Variants in ENPEP observed in about 807,000 individuals in gnomAD.
ENPEP encodes AP-A.
A neutral mutation model predicts 114.5 loss-of-function variants in ENPEP; 103 were observed. The observed-to-expected ratio is 0.90, with a 90% CI of 0.77 to 1.06. The LOEUF (loss-of-function observed/expected upper bound fraction) is 1.06. Among genes scored for constraint, ENPEP ranks in the 50% least tolerant of loss-of-function variants. The pLI is 0.00. For synonymous variants in ENPEP, 420 were observed against 422.0 expected (o/e 1.00, Z 0.06); for missense variants, 1,196 against 1,161.3 (o/e 1.03, Z -0.43).
At chr4:110,550,972 G>C (rs1395628051) in intron 17 of ENPEP, among the ~76,000 whole-genome samples, 1 of 151,682 alleles carries the variant, frequency 6.6e-6, no homozygotes, top group Non-Finnish European at 1.5e-5. Flanking sequence ...CGATCATCTT[G>C]GCTGGGCACA....
At chr4:110,484,982 G>T (rs1469470626) in intron 1 of ENPEP, among the ~76,000 whole-genome samples, 14 of 151,962 alleles carry the variant, frequency 9.2e-5, no homozygotes, top group Non-Finnish European at 1.2e-4. Flanking sequence ...TATTTCTGAG[G>T]TGTGACTCAG....
chr4:110,495,662 G>A (rs774144328), intron 3 of ENPEP, among the ~76,000 whole-genome samples: 3 of 152,046 alleles, frequency 2.0e-5, no homozygotes, highest in East Asian at 1.9e-4. Flanking sequence ...CAGAGGTTGC[G>A]GTGAGCCGAG....
rs1725533915 is a variant in ENPEP at position 110,510,483 on chromosome 4, G to C, written c.1308+125G>C. 5.1e-6 allele frequency: 4 copies of C among 787,410 alleles called. No homozygotes were observed. In the East Asian group the frequency reaches 1.1e-4, roughly 21 times the overall value. The allele number at this position is 787,410 out of a possible 1,614,324, so 48.8% of individuals were successfully genotyped here. A position where few individuals can be genotyped will look rare whatever the true frequency, so the allele number is the denominator to read the frequency against. On this transcript the variant is annotated intron_variant, in intron 6 of 19. Coordinates refer to ENST00000265162, the MANE Select transcript of ENPEP (RefSeq NM_001977.4). ...ACAGTGGTGAGCGGGGAATTCCACTGTGAGGATAGGGTGGAGCCAGCTGAC... is the reference window on the plus strand; with the variant it reads ...ACAGTGGTGAGCGGGGAATTCCACTCTGAGGATAGGGTGGAGCCAGCTGAC...
intron 13 of ENPEP, among the ~76,000 whole-genome samples, chr4:110,547,831 G>C (rs1056653743): frequency 1.3e-5 from 2 of 151,966 alleles, no homozygotes; most frequent in Non-Finnish European, 2.9e-5. Flanking sequence ...AAATCCACTT[G>C]GGAACCTAAA....
At chr4:110,548,771 G>T (rs1211127496) in intron 14 of ENPEP, among the ~76,000 whole-genome samples, 2 of 151,754 alleles carry the variant, frequency 1.3e-5, no homozygotes, top group Non-Finnish European at 2.9e-5. Context: ...CCGTTTCTTT[G>T]CTTTGTGATT....
At chr4:110,555,099 TAAAAA>T (rs375411882) in intron 18 of ENPEP, among the ~76,000 whole-genome samples, 4 of 151,934 alleles carry the variant, frequency 2.6e-5, no homozygotes, top group Non-Finnish European at 5.9e-5. Context: ...TTTTTCAAGA[TAAAAA>T]AAGAAGATAA....
chr4:110,545,790 C>G (rs1231494490), intron 13 of ENPEP, among the ~76,000 whole-genome samples: 1 of 152,050 alleles, frequency 6.6e-6, no homozygotes, highest in Non-Finnish European at 1.5e-5. Context: ...GTGGACACTT[C>G]TGACCCACTT....
chr4:110,532,692 A>T (rs1298611523), intron 11 of ENPEP, among the ~76,000 whole-genome samples: 1 of 152,006 alleles, frequency 6.6e-6, no homozygotes, highest in Non-Finnish European at 1.5e-5. Flanking sequence ...CAGCTTTGTC[A>T]TTATAGAGGT....
At chr4:110,515,562 G>C (rs1725733394) in intron 8 of ENPEP, 120 bp downstream of exon 8, 1 of 783,152 alleles carries the variant, frequency 1.3e-6, no homozygotes. Flanking sequence ...CTGAGGCATA[G>C]ATAATATAGC....
intron 17 of ENPEP, among the ~76,000 whole-genome samples, chr4:110,552,967 C>T (rs968357018): frequency 8.5e-5 from 13 of 152,130 alleles, no homozygotes; most frequent in African/African-American, 2.6e-4. Flanking sequence ...GTACTCTATT[C>T]AATAAATGCT....
intron 19 of ENPEP, 91 bp downstream of exon 19, chr4:110,559,816 T>C (rs952398330): frequency 1.6e-5 from 16 of 975,450 alleles, no homozygotes; most frequent in Non-Finnish European, 2.5e-5. Flanking sequence ...GGAATACATG[T>C]GCAGAATGTG....
At chr4:110,536,565 A>C (rs1726636415) in intron 11 of ENPEP, among the ~76,000 whole-genome samples, 1 of 152,208 alleles carries the variant, frequency 6.6e-6, no homozygotes, top group South Asian at 2.1e-4. Flanking sequence ...CCCAGGAAGA[A>C]AAGGGAACTG....
chr4:110,504,630 T>C (rs1239504390), intron 3 of ENPEP, among the ~76,000 whole-genome samples: 2 of 152,194 alleles, frequency 1.3e-5, no homozygotes, highest in African/African-American at 4.8e-5. Flanking sequence ...TTCTATGGAC[T>C]TGAGTTTCTC....
intron 13 of ENPEP, among the ~76,000 whole-genome samples, chr4:110,545,538 T>C (rs1727022951): frequency 6.6e-6 from 1 of 152,024 alleles, no homozygotes; most frequent in Admixed American, 6.6e-5. Flanking sequence ...TTGGAACTTC[T>C]ATGTCTCCCG....
In ENPEP at chr4:110,553,431, T is replaced by C; in HGVS notation, c.2618T>C (p.Leu873Pro). ...GKNMAWNWIQLNWDYLVNRYT... is the reference protein window; with the variant it reads ...GKNMAWNWIQPNWDYLVNRYT... Reference sequence around the variant, plus strand: ...AACATGGCCTGGAATTGGATACAACTCAACTGGGACTATCTAGTCAACAGG... The same window carrying C: ...AACATGGCCTGGAATTGGATACAACCCAACTGGGACTATCTAGTCAACAGG... Residue 873 changes from leucine to proline, a missense_variant, in exon 18 of 20, where the codon CTC (leucine) becomes CCC (proline). By Grantham distance (98) the Leu-to-Pro change is moderately conservative. Coordinates refer to ENST00000265162, the MANE Select transcript of ENPEP (RefSeq NM_001977.4). The C allele has an allele frequency of 6.2e-7, 1 of 1,610,488 alleles. No homozygotes were observed. Among genetic ancestry groups the C allele is most frequent in the Non-Finnish European group, 8.5e-7 (1 of 1,177,640 alleles).
At position 110,540,723 on chromosome 4, in the gene ENPEP, G is replaced by A. The variant is rs542508472; in HGVS notation, c.1808-2028G>A. ...GATGGATTGCCAGGAACTTCTCAAC[G>A]TTATTTATATTTGCTTCGCTATTTA... On this transcript the variant is annotated intron_variant, in intron 11 of 19. Transcript: ENST00000265162. 3.3e-5 allele frequency among the ~76,000 whole-genome samples: 5 copies of A among 152,234 alleles called. No homozygotes were observed. In the East Asian group the frequency reaches 7.7e-4, roughly 24 times the overall value.
intron 18 of ENPEP, 119 bp downstream of exon 18, chr4:110,553,574 G>T: frequency 1.0e-6 from 1 of 969,236 alleles, no homozygotes; most frequent in Non-Finnish European, 1.4e-6. Context: ...GGCATTATTA[G>T]AGGTAAAGGA....
rs1727779718 is a variant in ENPEP at position 110,564,918 on chromosome 4, A to G, written c.*3360A>G. The G allele has an allele frequency of 6.6e-6, 1 of 152,222 alleles. No homozygotes were observed. The highest frequency in any genetic ancestry group is 2.1e-4 in the South Asian group (1 of 4,832). The allele number at this position is 152,222 out of a possible 1,614,324, so 9.4% of individuals were successfully genotyped here. A position where few individuals can be genotyped will look rare whatever the true frequency, so the allele number is the denominator to read the frequency against. On this transcript the variant is annotated 3_prime_UTR_variant, in exon 20 of 20. Transcript: ENST00000265162. ...GCCTGAATTCCAGGATAAAAACAACATGGAATAGAACTTAGCCAGCACAGA... is the reference window on the plus strand; with the variant it reads ...GCCTGAATTCCAGGATAAAAACAACGTGGAATAGAACTTAGCCAGCACAGA...
At chr4:110,509,906 C>T in intron 5 of ENPEP, 99 bp downstream of exon 5, 1 of 1,416,900 alleles carries the variant, frequency 7.1e-7, no homozygotes, top group Non-Finnish European at 9.4e-7. Context: ...AAAAAATAGC[C>T]AACTCAGAAA....
Sources: gnomAD v4.1 joint callset for allele counts (sites outside exome capture counted in the v4.1 genomes callset) on GRCh38, gnomAD v4.1.1 for gene constraint, MANE v1.5 for transcripts, NCBI Gene and HGNC (gene_info 2026-07-23, HGNC 2026-07-21) for gene names.